NALF1: variants seen among roughly 807,000 people sequenced by gnomAD.
NALF1 encodes family with sequence similarity 155 member A.
NALF1 carries 3 observed loss-of-function variants against 48.4 expected under a neutral mutation model. That is an observed-to-expected ratio of 0.06 (90% confidence interval 0.03 to 0.16). The LOEUF (loss-of-function observed/expected upper bound fraction) is 0.16, where lower values mean the gene tolerates loss of function less well. Among genes scored for constraint, NALF1 ranks in the 10% least tolerant of loss-of-function variants. The pLI is 1.00. For synonymous variants in NALF1, 262 were observed against 245.7 expected (o/e 1.07, Z -0.62); for missense variants, 526 against 571.5 (o/e 0.92, Z 0.81).
At chr13:107,775,414 C>T (rs1877702728) in intron 1 of NALF1, among the ~76,000 whole-genome samples, 1 of 150,822 alleles carries the variant, frequency 6.6e-6, no homozygotes, top group Non-Finnish European at 1.5e-5. Flanking sequence ...CATAGTATTC[C>T]ATGGTGTATA....
At chr13:107,332,749 G>C (rs1267390979) in intron 1 of NALF1, among the ~76,000 whole-genome samples, 2 of 152,194 alleles carry the variant, frequency 1.3e-5, no homozygotes, top group African/African-American at 4.8e-5. Context: ...TAGAGCCATT[G>C]CTCCTAGTAA....
intron 1 of NALF1, among the ~76,000 whole-genome samples, chr13:107,435,092 G>A (rs1373171305): frequency 6.6e-6 from 1 of 152,040 alleles, no homozygotes; most frequent in Non-Finnish European, 1.5e-5. Context: ...TAAGATTTGG[G>A]GGTGGGGGGT....
At chr13:107,635,528 G>A (rs766104844) in intron 1 of NALF1, among the ~76,000 whole-genome samples, 5 of 152,030 alleles carry the variant, frequency 3.3e-5, no homozygotes, top group Non-Finnish European at 7.4e-5. Flanking sequence ...CAGCAAAACC[G>A]TATCATTTAC....
intron 1 of NALF1, among the ~76,000 whole-genome samples, chr13:107,302,097 A>T (rs980931592): frequency 6.6e-6 from 1 of 152,152 alleles, no homozygotes; most frequent in Non-Finnish European, 1.5e-5. Context: ...TAATGGATAA[A>T]TGCATTATCA....
At chr13:107,310,397 G>A (rs767308447) in intron 1 of NALF1, among the ~76,000 whole-genome samples, 98 of 144,018 alleles carry the variant, frequency 6.8e-4, no homozygotes, top group African/African-American at 2.3e-3. Context: ...GAGACAGAGC[G>A]AGATTCCATC....
chr13:107,724,267 T>C (rs1876081002), intron 1 of NALF1, among the ~76,000 whole-genome samples: 1 of 152,140 alleles, frequency 6.6e-6, no homozygotes, highest in Non-Finnish European at 1.5e-5. Flanking sequence ...CTTTTATTGT[T>C]CCTACTTTGA....
chr13:107,566,631 G>A (rs376745683), intron 1 of NALF1, among the ~76,000 whole-genome samples: 28 of 152,314 alleles, frequency 1.8e-4, no homozygotes, highest in Admixed American at 6.5e-4. Context: ...TTGTGGTTCC[G>A]TTTCAGACAT....
At chr13:107,801,226 T>A (rs1017107106) in intron 1 of NALF1, among the ~76,000 whole-genome samples, 1 of 152,174 alleles carries the variant, frequency 6.6e-6, no homozygotes, top group African/African-American at 2.4e-5. Flanking sequence ...CTAGACGTTC[T>A]AGATGAGTGA....
At chr13:107,428,904 G>A (rs570250112) in intron 1 of NALF1, among the ~76,000 whole-genome samples, 1 of 152,276 alleles carries the variant, frequency 6.6e-6, no homozygotes, top group South Asian at 2.1e-4. Context: ...TGAATCATTA[G>A]ACAGTCAAAG....
intron 1 of NALF1, among the ~76,000 whole-genome samples, chr13:107,589,180 C>T (rs1249950568): frequency 1.3e-5 from 2 of 151,908 alleles, no homozygotes; most frequent in Non-Finnish European, 2.9e-5. Context: ...TATCTTGTGT[C>T]CTTTCTTCTG....
chr13:107,249,754 T>C (rs1880658277), intron 1 of NALF1, among the ~76,000 whole-genome samples: 1 of 152,296 alleles, frequency 6.6e-6, no homozygotes, highest in African/African-American at 2.4e-5. Context: ...CAAAATGTCT[T>C]TTAGGTGTTG....
In NALF1 at chr13:107,687,012, GCAGCCTTATT is replaced by G. The variant is rs1206143033; in HGVS notation, c.915+178660_915+178669del. ...AGTCACCTGCAATCCTATGTTTATT[GCAGCCTTATT>G]CACAATAACAAGATCACGGAATCAA... On this transcript the variant is annotated intron_variant, in intron 1 of 2. Transcript: ENST00000375915. Among the ~76,000 whole-genome samples the G allele has an allele frequency of 5.9e-5, 9 of 152,126 alleles. No individual in the cohort carries two copies. In the East Asian group the frequency reaches 1.7e-3, roughly 29 times the overall value.
At chr13:107,636,476 T>C (rs1348252931) in intron 1 of NALF1, among the ~76,000 whole-genome samples, 1 of 152,180 alleles carries the variant, frequency 6.6e-6, no homozygotes, top group Admixed American at 6.5e-5. Context: ...AAGACTAACA[T>C]TTAACCATTT....
At chr13:107,494,677 T>C (rs1247590443) in intron 1 of NALF1, among the ~76,000 whole-genome samples, 2 of 152,208 alleles carry the variant, frequency 1.3e-5, no homozygotes, top group Admixed American at 6.5e-5. Flanking sequence ...TATCAAGGTG[T>C]TATTAGTTTA....
At chr13:107,285,267 C>T (rs1881470354) in intron 1 of NALF1, among the ~76,000 whole-genome samples, 1 of 152,170 alleles carries the variant, frequency 6.6e-6, no homozygotes, top group African/African-American at 2.4e-5. Flanking sequence ...CTTGCACTTT[C>T]ATGACACATA....
intron 2 of NALF1, among the ~76,000 whole-genome samples, chr13:107,198,104 A>C (rs1566447979): frequency 6.6e-6 from 1 of 152,016 alleles, no homozygotes; most frequent in Non-Finnish European, 1.5e-5. Flanking sequence ...AGATTTTCTT[A>C]CTCTTTCTTT....
chr13:107,788,516 T>C (rs1878138136), intron 1 of NALF1: 1 of 152,380 alleles, frequency 6.6e-6, no homozygotes, highest in African/African-American at 2.4e-5. Flanking sequence ...GGCCAATCTC[T>C]AGTTGAAATT....
At chr13:107,421,302 A>G (rs918528003) in intron 1 of NALF1, among the ~76,000 whole-genome samples, 2 of 152,098 alleles carry the variant, frequency 1.3e-5, no homozygotes, top group Non-Finnish European at 2.9e-5. Context: ...ATATCTCAAT[A>G]CTCATTAACA....
At chr13:107,599,219 G>A (rs1878846020) in intron 1 of NALF1, among the ~76,000 whole-genome samples, 1 of 152,064 alleles carries the variant, frequency 6.6e-6, no homozygotes, top group Non-Finnish European at 1.5e-5. Flanking sequence ...AGGAGATGGA[G>A]ACCATCCTGG....
Sources: allele counts gnomAD v4.1 joint callset (sites outside exome capture counted in the v4.1 genomes callset), GRCh38; gene constraint gnomAD v4.1.1; transcripts MANE v1.5; gene names NCBI Gene and HGNC (gene_info 2026-07-23, HGNC 2026-07-21).